DRC8: variants seen among roughly 807,000 people sequenced by gnomAD.
DRC8 encodes the protein dynein regulatory complex protein 8.
At chr1:245,076,582 CTT>C in the DRC8 span, among the ~76,000 whole-genome samples, 5 of 152,154 alleles carry the variant, frequency 3.3e-5, no homozygotes, top group Non-Finnish European at 5.9e-5. Context: ...AATGCAATGA[CTT>C]TGTAGTCTTT....
At chr1:245,124,762 A>T in the DRC8 span, 1 of 151,570 alleles carries the variant, frequency 6.6e-6, no homozygotes, top group Non-Finnish European at 1.5e-5. Flanking sequence ...CCACAGAGGA[A>T]TGTGATCAGC....
At chr1:245,059,596 C>A in the DRC8 span, 1 of 623,188 alleles carries the variant, frequency 1.6e-6, no homozygotes, top group South Asian at 2.4e-5. Context: ...ATTAGGATAA[C>A]TATTCATATT....
At chr1:244,977,700 T>G in the DRC8 span, among the ~76,000 whole-genome samples, 1 of 152,256 alleles carries the variant, frequency 6.6e-6, no homozygotes, top group Non-Finnish European at 1.5e-5. Context: ...AAAAGTGATG[T>G]CCACATGCTT....
At chr1:245,017,332 G>T in the DRC8 span, 54 of 1,572,698 alleles carry the variant, frequency 3.4e-5, no homozygotes, top group Non-Finnish European at 4.6e-5. Flanking sequence ...GTGAGGTGTG[G>T]AAATATTTTT....
chr1:245,086,722 C>G, the DRC8 span: 2 of 533,244 alleles, frequency 3.8e-6, no homozygotes, highest in Non-Finnish European at 7.7e-6. Flanking sequence ...CATGACAACC[C>G]TATGTGACAG....
chr1:245,053,444 C>T, the DRC8 span, among the ~76,000 whole-genome samples: 2 of 152,190 alleles, frequency 1.3e-5, no homozygotes, highest in African/African-American at 4.8e-5. Context: ...AGCACAGCTT[C>T]CAGGGCCCCA....
At chr1:244,985,789 G>A in the DRC8 span, among the ~76,000 whole-genome samples, 2 of 151,216 alleles carry the variant, frequency 1.3e-5, no homozygotes. Context: ...GCTTGAACCC[G>A]GGAGGCAGAG....
At chr1:244,970,699 C>T in the DRC8 span, 1 of 471,834 alleles carries the variant, frequency 2.1e-6, no homozygotes, top group Non-Finnish European at 3.6e-6. Context: ...CCTCTTCCCT[C>T]CCTCTTCTCT....
chr1:245,038,287 G>A, the DRC8 span, among the ~76,000 whole-genome samples: 1 of 152,166 alleles, frequency 6.6e-6, no homozygotes, highest in African/African-American at 2.4e-5. Flanking sequence ...TGGCTAACAT[G>A]GTGAAACCTT....
the DRC8 span, among the ~76,000 whole-genome samples, chr1:245,079,620 G>A: frequency 6.6e-6 from 1 of 152,120 alleles, no homozygotes; most frequent in Admixed American, 6.5e-5. Context: ...AACAAACCAC[G>A]GTTCGTAGCT....
chr1:245,101,608 C>T, the DRC8 span, among the ~76,000 whole-genome samples: 9 of 152,108 alleles, frequency 5.9e-5, no homozygotes, highest in East Asian at 1.7e-3. Flanking sequence ...AAGTATTTTC[C>T]TTTATCAGTT....
At chr1:244,997,966 A>G in the DRC8 span, among the ~76,000 whole-genome samples, 2 of 47,272 alleles carry the variant, frequency 4.2e-5, no homozygotes, top group Non-Finnish European at 8.2e-5. Flanking sequence ...TTTTCTGTCC[A>G]TCTCTTCCAC....
chr1:245,070,616 T>C, the DRC8 span, among the ~76,000 whole-genome samples: 1 of 152,242 alleles, frequency 6.6e-6, no homozygotes, highest in African/African-American at 2.4e-5. Flanking sequence ...TGGAATAATT[T>C]ATAGTCATCC....
chr1:244,997,371 G>A, the DRC8 span, among the ~76,000 whole-genome samples: 1 of 152,046 alleles, frequency 6.6e-6, no homozygotes, highest in Non-Finnish European at 1.5e-5. Context: ...CTGCTAGAAT[G>A]CCACTCTTCG....
At chr1:245,087,792 C>A in the DRC8 span, 1 of 936,240 alleles carries the variant, frequency 1.1e-6, no homozygotes, top group Non-Finnish European at 1.3e-6. Flanking sequence ...AATGCTTCAT[C>A]AATCTGAGTG....
the DRC8 span, among the ~76,000 whole-genome samples, chr1:245,072,591 A>C: frequency 6.6e-6 from 1 of 152,162 alleles, no homozygotes; most frequent in Non-Finnish European, 1.5e-5. Context: ...CATGGTGAAG[A>C]CTTGTTGTTA....
At chr1:244,980,499 T>C in the DRC8 span, among the ~76,000 whole-genome samples, 1 of 152,176 alleles carries the variant, frequency 6.6e-6, no homozygotes, top group African/African-American at 2.4e-5. Flanking sequence ...TGTCCCAGTA[T>C]AGTAGTCCAG....
chr1:245,104,152 TCAC>T, the DRC8 span, among the ~76,000 whole-genome samples: 1 of 152,132 alleles, frequency 6.6e-6, no homozygotes, highest in Non-Finnish European at 1.5e-5. Context: ...AAGACACTGA[TCAC>T]CAGCATAGGT....
chr1:245,052,006 T>C, the DRC8 span, among the ~76,000 whole-genome samples: 1 of 152,080 alleles, frequency 6.6e-6, no homozygotes, highest in Non-Finnish European at 1.5e-5. Flanking sequence ...AGTTCACATC[T>C]GTTGAGTGCA....
Sources: gnomAD v4.1 joint callset for allele counts (sites outside exome capture counted in the v4.1 genomes callset) on GRCh38, gnomAD v4.1.1 for gene constraint, MANE v1.5 for transcripts, NCBI Gene and HGNC (gene_info 2026-07-23, HGNC 2026-07-21) for gene names.